PEDS1: variants seen among roughly 807,000 people sequenced by gnomAD.
PEDS1 encodes CarF homolog.
PEDS1 carries 14 observed loss-of-function variants against 35.2 expected under a neutral mutation model. That is an observed-to-expected ratio of 0.40 (90% confidence interval 0.26 to 0.62). PEDS1 has a LOEUF of 0.62. Among genes scored for constraint, PEDS1 ranks in the 20% least tolerant of loss-of-function variants. The pLI, the probability that PEDS1 is intolerant of heterozygous loss-of-function variation, is 0.44. For synonymous variants in PEDS1, 152 were observed against 152.0 expected (o/e 1.00, Z 0.00); for missense variants, 260 against 367.8 (o/e 0.71, Z 2.40).
In PEDS1 at chr20:50,138,499, G is replaced by A. The variant is rs560015618; in HGVS notation, c.241+5003C>T. ...ACGACACAGCAAGCATCCCCCCAAC[G>A]CAGCTCCTGTGAGCTCTCTGCTGAG... On this transcript the variant is annotated intron_variant, in intron 2 of 5. Coordinates refer to ENST00000371652, the MANE Select transcript of PEDS1 (RefSeq NM_199129.4). 8.1e-4 allele frequency among the ~76,000 whole-genome samples: 124 copies of A among 152,354 alleles called. 2 individuals are homozygous for A. The highest frequency in any genetic ancestry group is 8.1e-3 in the East Asian group (42 of 5,186).
rs377462801 is a variant in PEDS1 at position 50,142,424 on chromosome 20, AGG to A, written c.241+1076_241+1077del. Among the ~76,000 whole-genome samples the A allele has an allele frequency of 4.5e-4, 68 of 152,156 alleles. 2 individuals are homozygous for A. Among genetic ancestry groups the A allele is most frequent in the African/African-American group, 1.5e-3 (64 of 41,530 alleles). The stretch of plus-strand genomic sequence containing the variant: ...GTGGACACAGTGTTAACAACAGAAA[AGG>A]GGGATAGTGTGTGACAGGCCTGCTA... On this transcript the variant is annotated intron_variant, in intron 2 of 5. Transcript: ENST00000371652.
At chr20:50,137,742 G>A (rs1236909443) in intron 2 of PEDS1, among the ~76,000 whole-genome samples, 4 of 152,172 alleles carry the variant, frequency 2.6e-5, no homozygotes, top group Admixed American at 1.3e-4. Context: ...GTGCTGGCGC[G>A]CGCTTGTAGT....
chr20:50,120,813 T>A lies in PEDS1; in HGVS notation c.*4245A>T, dbSNP rs1214263418. On this transcript the variant is annotated 3_prime_UTR_variant, in exon 6 of 6. Transcript: ENST00000371652. Reference sequence around the variant, plus strand: ...CAGATCATGCCACTGTGTTCCAGCCTGGGTGACAGAGCAAGACCCCGTCTC... The same window carrying A: ...CAGATCATGCCACTGTGTTCCAGCCAGGGTGACAGAGCAAGACCCCGTCTC... The A allele has an allele frequency of 2.6e-5, 4 of 151,892 alleles. No homozygotes were observed. The highest frequency in any genetic ancestry group is 9.7e-5 in the African/African-American group (4 of 41,188). 9.4% of individuals were successfully genotyped at this position (151,892 alleles called of 1,614,324 possible).
intron 2 of PEDS1, among the ~76,000 whole-genome samples, chr20:50,142,410 G>A (rs1045393073): frequency 3.9e-5 from 6 of 152,148 alleles, no homozygotes; most frequent in South Asian, 4.1e-4. Context: ...TGGACACAGT[G>A]TTAACAACAG....
Position 50,124,922 on chromosome 20 carries a change from G to A in PEDS1, c.*136C>T, listed in dbSNP as rs1270892491. 8.2e-7 allele frequency: 1 copy of A among 1,220,464 alleles called. No homozygotes were observed. Among genetic ancestry groups the A allele is most frequent in the Non-Finnish European group, 1.2e-6 (1 of 867,096 alleles). The allele number at this position is 1,220,464 out of a possible 1,614,324, so 75.6% of individuals were successfully genotyped here. A position where few individuals can be genotyped will look rare whatever the true frequency, so the allele number is the denominator to read the frequency against. On this transcript the variant is annotated 3_prime_UTR_variant, in exon 6 of 6. Transcript: ENST00000371652. ...CAAGTATTCTGTGTCATGAGGGGTG[G>A]GCTGGGGTACCTGGGCCCAGCCCAG...
rs1360999817 is a variant in PEDS1, at chr20:50,122,434, G to A, written c.*2624C>T. 1 of 152,212 alleles carries A rather than the reference G, an allele frequency of 6.6e-6. No individual in the cohort carries two copies. Among genetic ancestry groups the A allele is most frequent in the Non-Finnish European group, 1.5e-5 (1 of 68,038 alleles). 9.4% of individuals were successfully genotyped at this position (152,212 alleles called of 1,614,324 possible). ...AATAAATGTCATGGCTGGACGCAGT[G>A]GCTCATGCCTGTAATCCCAACACTT... is the stretch of plus-strand genomic sequence containing the variant. On this transcript the variant is annotated 3_prime_UTR_variant, in exon 6 of 6. Transcript: ENST00000371652.
Position 50,129,681 on chromosome 20 carries a change from G to A in PEDS1, c.343C>T (p.Arg115Ter). 6.2e-7 allele frequency: 1 copy of A among 1,614,048 alleles called. No homozygotes were observed. Among genetic ancestry groups the A allele is most frequent in the East Asian group, 2.2e-5 (1 of 44,874 alleles). ...TCAATGTGGTGCTCCCGGAAGGGTCGGATGAAAGCCTGGAGTTGAGGGGGA... is the reference window on the plus strand; with the variant it reads ...TCAATGTGGTGCTCCCGGAAGGGTCAGATGAAAGCCTGGAGTTGAGGGGGA... ...ELPIVGKAFI[R>*]PFREHHIDPT... The change falls in exon 4 of 6, where the codon CGA becomes TGA. Residue 115 changes from arginine (R) to a stop codon, truncating the protein, a stop_gained. Transcript: ENST00000371652. LOFTEE classifies it high-confidence loss of function. The surrounding 1 kb of genome is among the most constrained non-coding windows in gnomAD (Gnocchi z 4.2).
At chr20:50,138,369 G>A (rs536188629) in intron 2 of PEDS1, among the ~76,000 whole-genome samples, 20 of 152,276 alleles carry the variant, frequency 1.3e-4, no homozygotes, top group Admixed American at 7.2e-4. Context: ...TAGGGTTAGG[G>A]TTAGGGAGAC....
intron 2 of PEDS1, 125 bp downstream of exon 2, chr20:50,143,377 C>T (rs1601228134): frequency 6.8e-7 from 1 of 1,466,314 alleles, no homozygotes; most frequent in Non-Finnish European, 9.2e-7. Flanking sequence ...AGGTGGGGTA[C>T]TCAAGGCACA....
At chr20:50,150,251 T>A (rs767407048) in intron 1 of PEDS1, among the ~76,000 whole-genome samples, 1 of 152,162 alleles carries the variant, frequency 6.6e-6, no homozygotes. Flanking sequence ...TTGATTGCCA[T>A]GATTATGGCT....
intron 1 of PEDS1, chr20:50,151,211 C>T (rs1000070167): frequency 7.2e-5 from 94 of 1,302,110 alleles, no homozygotes; most frequent in Non-Finnish European, 9.1e-5. Flanking sequence ...TCCTCCCCTA[C>T]CTCCAGGTCT....
chr20:50,148,881 T>C (rs1363017922), intron 1 of PEDS1, among the ~76,000 whole-genome samples: 1 of 151,852 alleles, frequency 6.6e-6, no homozygotes, highest in Non-Finnish European at 1.5e-5. Flanking sequence ...GAGGCAAAGG[T>C]AGGAGGATCA....
At chr20:50,138,512 GCT>G (rs2081259153) in intron 2 of PEDS1, among the ~76,000 whole-genome samples, 1 of 152,270 alleles carries the variant, frequency 6.6e-6, no homozygotes, top group Admixed American at 6.5e-5. Context: ...GCTCCTGTGA[GCT>G]CTCTGCTGAG....
At chr20:50,153,221 C>G (rs2081423673) in intron 1 of PEDS1, among the ~76,000 whole-genome samples, 1 of 151,976 alleles carries the variant, frequency 6.6e-6, no homozygotes, top group Non-Finnish European at 1.5e-5. Flanking sequence ...CCGAGAATGC[C>G]CCGGGGCTAG....
intron 2 of PEDS1, among the ~76,000 whole-genome samples, chr20:50,142,587 T>C (rs905648329): frequency 2.0e-5 from 3 of 150,160 alleles, no homozygotes; most frequent in African/African-American, 7.4e-5. Flanking sequence ...TACAGGCGCC[T>C]GCCACCACGG....
rs1159413820 is a variant in PEDS1, at chr20:50,143,529, C to T, written c.214G>A (p.Asp72Asn). ...ACACCGAGTATGACGAGGGGTGTGT[C>T]CTCCCAGCGGGCCAGCAGCAGGAGA... ...VHLLLLARWE[D>N]TPLVILGVVA... is the part of the protein sequence containing the mutation. Residue 72 changes from aspartate to asparagine, a missense_variant, in exon 2 of 6, where the codon GAC becomes AAC. This residue lies in a region of PEDS1 where 114 missense variants were observed against 121.6 expected (regional missense o/e 0.94). Coordinates refer to ENST00000371652, the MANE Select transcript of PEDS1 (RefSeq NM_199129.4). 6.2e-7 allele frequency: 1 copy of T among 1,611,514 alleles called. No homozygotes were observed. The highest frequency in any genetic ancestry group is 1.7e-5 in the Admixed American group (1 of 59,484).
Position 50,129,479 on chromosome 20 carries a change from A to G in PEDS1, c.478+67T>C. On this transcript the variant is annotated intron_variant, in intron 4 of 5. Coordinates refer to ENST00000371652, the MANE Select transcript of PEDS1 (RefSeq NM_199129.4). This position sits in a 1 kb window ranked among gnomAD's most constrained non-coding sequence, Gnocchi z 4.2. ...AGGAGCCAAACACATAAGCCCCAGAAGGCTCCTGGGGGTCGGCCTCTGCCC... is the reference window on the plus strand; with the variant it reads ...AGGAGCCAAACACATAAGCCCCAGAGGGCTCCTGGGGGTCGGCCTCTGCCC... 6.3e-7 allele frequency: 1 copy of G among 1,599,950 alleles called. No homozygotes were observed. The highest frequency in any genetic ancestry group is 8.5e-7 in the Non-Finnish European group (1 of 1,172,344).
intron 2 of PEDS1, among the ~76,000 whole-genome samples, chr20:50,132,006 C>G (rs1022134576): frequency 6.6e-6 from 1 of 152,004 alleles, no homozygotes; most frequent in African/African-American, 2.4e-5. Flanking sequence ...GAGTTCGAGA[C>G]TAGCCTGGCC....
chr20:50,153,675 G>A lies in PEDS1; in HGVS notation c.-38C>T. 8.3e-7 allele frequency: 1 copy of A among 1,209,886 alleles called. No homozygotes were observed. Among genetic ancestry groups the A allele is most frequent in the Non-Finnish European group, 1.0e-6 (1 of 974,132 alleles). The allele number at this position is 1,209,886 out of a possible 1,614,324, so 74.9% of individuals were successfully genotyped here. On this transcript the variant is annotated 5_prime_UTR_variant, in exon 1 of 6. Transcript: ENST00000371652. ...GATCGGCCCGGTGCGCTCTGCTGGCGGCGGCGGCGGCAGGGCCGCGGAACC... is the reference window on the plus strand; with the variant it reads ...GATCGGCCCGGTGCGCTCTGCTGGCAGCGGCGGCGGCAGGGCCGCGGAACC...
Sources: gnomAD v4.1 joint callset for allele counts (sites outside exome capture counted in the v4.1 genomes callset) on GRCh38, gnomAD v4.1.1 for gene constraint, gnomAD v4.1.1 regional missense constraint, Gnocchi (gnomAD v3.1) non-coding constraint, MANE v1.5 for transcripts, NCBI Gene and HGNC (gene_info 2026-07-23, HGNC 2026-07-21) for gene names.